Variants in PRDM6 observed in about 807,000 individuals in gnomAD.
PRDM6 encodes PR/SET domain 6, also known as putative histone-lysine N-methyltransferase PRDM6.
Under a neutral mutation model 60.8 loss-of-function variants are expected in PRDM6, and 25 were observed. The ratio of observed to expected loss-of-function variants is 0.41; its 90% CI spans 0.30 to 0.57. The LOEUF (loss-of-function observed/expected upper bound fraction) is 0.57, where lower values mean the gene tolerates loss of function less well. Ranked by LOEUF, PRDM6 falls within the 20% of genes least tolerant of loss-of-function variation. The probability of loss-of-function intolerance (pLI) is 0.27; values close to 1 mark genes in which losing one functional copy is unlikely to be tolerated. For missense variants in PRDM6, 839 were observed against 821.3 expected (o/e 1.02, Z -0.26); for synonymous variants, 407 against 357.4 (o/e 1.14, Z -1.57).
At chr5:123,142,286 A>G (rs1170315496) in intron 3 of PRDM6, among the ~76,000 whole-genome samples, 1 of 117,408 alleles carries the variant, frequency 8.5e-6, no homozygotes, top group African/African-American at 3.2e-5. Context: ...AATCCCAAAG[A>G]TCATCTTATT....
At chr5:123,107,845 T>A (rs1424425094) in intron 3 of PRDM6, among the ~76,000 whole-genome samples, 1 of 152,244 alleles carries the variant, frequency 6.6e-6, no homozygotes, top group African/African-American at 2.4e-5. Context: ...CTTTATTTGC[T>A]AATGTTGCCT....
Position 123,187,253 on chromosome 5 carries a change from CG to C in PRDM6, c.*54del. 7.2e-7 allele frequency: 1 copy of C among 1,386,552 alleles called. No individual in the cohort carries two copies. The highest frequency in any genetic ancestry group is 1.0e-6 in the Non-Finnish European group (1 of 999,120). 85.9% of individuals were successfully genotyped at this position (1,386,552 alleles called of 1,614,324 possible). A position where few individuals can be genotyped will look rare whatever the true frequency, so the allele number is the denominator to read the frequency against. ...CAAGGAAAGTCATGATTAAATGTCA[CG>C]GACACTTAAGCAAAACCAAAGATTT... On this transcript the variant is annotated 3_prime_UTR_variant, in exon 8 of 8. Coordinates refer to ENST00000407847, the MANE Select transcript of PRDM6 (RefSeq NM_001136239.4).
At chr5:123,159,767 T>A in intron 5 of PRDM6, 129 bp downstream of exon 5, 1 of 901,616 alleles carries the variant, frequency 1.1e-6, no homozygotes, top group Non-Finnish European at 1.7e-6. Context: ...TATACAAGTC[T>A]ATTCCATCGT....
At chr5:123,140,975 A>G (rs1288141144) in intron 3 of PRDM6, among the ~76,000 whole-genome samples, 1 of 152,026 alleles carries the variant, frequency 6.6e-6, no homozygotes, top group African/African-American at 2.4e-5. Context: ...AATTTTTTTT[A>G]TAAAGTCAAT....
At chr5:123,159,776 GT>G (rs1352715317) in intron 5 of PRDM6, 138 bp downstream of exon 5, 8 of 866,934 alleles carry the variant, frequency 9.2e-6, no homozygotes, top group Admixed American at 5.4e-5. Context: ...CTATTCCATC[GT>G]TTTCTTTTCC....
At chr5:123,122,200 T>C (rs1429929836) in intron 3 of PRDM6, among the ~76,000 whole-genome samples, 1 of 146,780 alleles carries the variant, frequency 6.8e-6, no homozygotes, top group Non-Finnish European at 1.5e-5. Flanking sequence ...TTCCTGAGTC[T>C]CACCTGTAAC....
At chr5:123,182,410 C>T (rs1322300224) in intron 7 of PRDM6, among the ~76,000 whole-genome samples, 1 of 152,170 alleles carries the variant, frequency 6.6e-6, no homozygotes, top group Non-Finnish European at 1.5e-5. Context: ...GCAGCCAGAC[C>T]AATACAGTGC....
chr5:123,173,955 G>A (rs335201), intron 6 of PRDM6, among the ~76,000 whole-genome samples: 79,096 of 152,062 alleles, frequency 0.52, 20,849 homozygotes, highest in African/African-American at 0.62. Flanking sequence ...ACTGTAATGG[G>A]ACATCAAATT....
intron 5 of PRDM6, among the ~76,000 whole-genome samples, chr5:123,159,956 T>C (rs1253706371): frequency 1.3e-5 from 2 of 152,186 alleles, no homozygotes; most frequent in Admixed American, 1.3e-4. Flanking sequence ...CTTGCCACCT[T>C]AGGGATTACA....
At position 123,090,237 on chromosome 5, in the gene PRDM6, T is replaced by TA; in HGVS notation, c.223_224insA (p.Ser75TyrfsTer229). 1.4e-6 allele frequency: 2 copies of TA among 1,478,026 alleles called. No individual in the cohort carries two copies. The highest frequency in any genetic ancestry group is 1.8e-6 in the Non-Finnish European group (2 of 1,114,422). The allele number at this position is 1,478,026 out of a possible 1,614,324, so 91.6% of individuals were successfully genotyped here. A position where few individuals can be genotyped will look rare whatever the true frequency, so the allele number is the denominator to read the frequency against. Reference sequence around the variant, plus strand: ...GGACAGCCTGCGCCCGCGGCCCGCCTCTCTCTCCTCCGCCTCGTCCACGCC... The same window carrying TA: ...GGACAGCCTGCGCCCGCGGCCCGCCTACTCTCTCCTCCGCCTCGTCCACGCC... On this transcript the variant is annotated frameshift_variant, in exon 2 of 8. Coordinates refer to ENST00000407847, the MANE Select transcript of PRDM6 (RefSeq NM_001136239.4). LOFTEE classifies it high-confidence loss of function.
chr5:123,159,267 T>C (rs1182786853), intron 4 of PRDM6, among the ~76,000 whole-genome samples: 1 of 152,226 alleles, frequency 6.6e-6, no homozygotes, highest in Non-Finnish European at 1.5e-5. Flanking sequence ...TCTCCTGGGC[T>C]AAATATCTGT....
In PRDM6 at chr5:123,090,281, CG is replaced by C; in HGVS notation, c.268del (p.Ala90ProfsTer33). 1 of 1,487,922 alleles carries C rather than the reference CG, an allele frequency of 6.7e-7. No homozygotes were observed. The highest frequency in any genetic ancestry group is 2.9e-5 in the East Asian group (1 of 34,182). The allele number at this position is 1,487,922 out of a possible 1,614,324, so 92.2% of individuals were successfully genotyped here. On this transcript the variant is annotated frameshift_variant, in exon 2 of 8. Transcript: ENST00000407847. LOFTEE classifies it high-confidence loss of function. ...CCACGCCGGCTTCCTCTTCCACCTCCGCCTCCTCCGCCTCCTCCTGCGCTGC... is the reference window on the plus strand; with the variant it reads ...CCACGCCGGCTTCCTCTTCCACCTCCCCTCCTCCGCCTCCTCCTGCGCTGC... The part of the protein sequence containing the change: ...SSTPASSSTS[A>X]SSASSCAAAA...
intron 3 of PRDM6, among the ~76,000 whole-genome samples, chr5:123,128,819 T>C (rs1764752439): frequency 6.6e-6 from 1 of 152,216 alleles, no homozygotes; most frequent in African/African-American, 2.4e-5. Context: ...GCTTTTGGTG[T>C]TTTAGTCATG....
chr5:123,090,648 C>G, intron 2 of PRDM6, 42 bp downstream of exon 2: 4 of 1,270,420 alleles, frequency 3.1e-6, no homozygotes, highest in Admixed American at 2.8e-5. Flanking sequence ...GGGGCGCCGG[C>G]GCCGGCGCCG....
chr5:123,089,958 G>C (rs1424637462), intron 1 of PRDM6, 42 bp from the exon 2 acceptor site: 16 of 1,434,304 alleles, frequency 1.1e-5, no homozygotes, highest in Non-Finnish European at 1.4e-5. Flanking sequence ...GGCCCCTTTC[G>C]CCCAGCTCAC....
intron 2 of PRDM6, among the ~76,000 whole-genome samples, chr5:123,094,032 G>A (rs1310802066): frequency 1.3e-5 from 2 of 152,060 alleles, no homozygotes; most frequent in African/African-American, 4.8e-5. Context: ...GCTGGAAACA[G>A]CGCCGGTGTG....
intron 2 of PRDM6, among the ~76,000 whole-genome samples, chr5:123,095,071 A>G (rs13170698): frequency 0.032 from 4,834 of 152,274 alleles, 105 homozygotes; most frequent in Middle Eastern, 0.1. Context: ...GCCGCCCCGC[A>G]GGGTCGAGAC....
Position 123,190,615 on chromosome 5 carries a change from C to A in PRDM6, c.*3414C>A, listed in dbSNP as rs952724318. 14 of 152,038 alleles carry A rather than the reference C, an allele frequency of 9.2e-5. No individual in the cohort carries two copies. Among genetic ancestry groups the A allele is most frequent in the African/African-American group, 3.1e-4 (13 of 41,378 alleles). The allele number at this position is 152,038 out of a possible 1,614,324, so 9.4% of individuals were successfully genotyped here. A position where few individuals can be genotyped will look rare whatever the true frequency, so the allele number is the denominator to read the frequency against. The stretch of plus-strand genomic sequence containing the variant: ...GGAAAAGATCATGACATCATTGTGT[C>A]CTCATAGGGCTCATAATTGAATTTT... On this transcript the variant is annotated 3_prime_UTR_variant, in exon 8 of 8. Coordinates refer to ENST00000407847, the MANE Select transcript of PRDM6 (RefSeq NM_001136239.4).
At chr5:123,093,429 TG>T (rs1484229126) in intron 2 of PRDM6, among the ~76,000 whole-genome samples, 1 of 152,206 alleles carries the variant, frequency 6.6e-6, no homozygotes, top group Non-Finnish European at 1.5e-5. Context: ...TGATGGGGCT[TG>T]TAGCTCTCTT....
Sources: allele counts gnomAD v4.1 joint callset (sites outside exome capture counted in the v4.1 genomes callset), GRCh38; gene constraint gnomAD v4.1.1; transcripts MANE v1.5; gene names NCBI Gene and HGNC (gene_info 2026-07-23, HGNC 2026-07-21).